Variants in SORL1 observed in about 807,000 individuals in gnomAD.
SORL1 encodes the protein sortilin related receptor 1.
Under a neutral mutation model 273.7 loss-of-function variants are expected in SORL1, and 127 were observed. That is an observed-to-expected ratio of 0.46 (90% CI 0.40 to 0.54). SORL1 has a LOEUF of 0.54. SORL1 is among the 20% of genes least tolerant of loss of function. The pLI is 0.00. For missense variants in SORL1, 2,494 were observed against 2,846.1 expected (o/e 0.88, Z 2.81); for synonymous variants, 1,031 against 1,067.4 (o/e 0.97, Z 0.66).
chr11:121,546,482 G>C (rs565437361), intron 14 of SORL1, among the ~76,000 whole-genome samples: 1 of 152,280 alleles, frequency 6.6e-6, no homozygotes, highest in South Asian at 2.1e-4. Context: ...GGAGCACCAA[G>C]AGAGCCATGG....
At chr11:121,624,572 G>T (rs1170553043) in intron 45 of SORL1, among the ~76,000 whole-genome samples, 1 of 152,248 alleles carries the variant, frequency 6.6e-6, no homozygotes, top group African/African-American at 2.4e-5. Context: ...AGGAGCTAGA[G>T]AGCAGGGAGA....
chr11:121,513,256 A>C lies in SORL1; in HGVS notation c.1041+152A>C, dbSNP rs1490470909. ...TAGAGAGTGCAGCTATGCTTTGGGCATCGTGGTCTGTGGTTCCCACTTCAC... is the reference window on the plus strand; with the variant it reads ...TAGAGAGTGCAGCTATGCTTTGGGCCTCGTGGTCTGTGGTTCCCACTTCAC... On this transcript the variant is annotated intron_variant, in intron 7 of 47. Coordinates refer to ENST00000260197, the MANE Select transcript of SORL1 (RefSeq NM_003105.6). 1.2e-5 allele frequency: 8 copies of C among 658,736 alleles called. No individual in the cohort carries two copies. The East Asian group carries it at 2.1e-4, about 17-fold the overall frequency. 40.8% of individuals were successfully genotyped at this position (658,736 alleles called of 1,614,324 possible).
intron 6 of SORL1, among the ~76,000 whole-genome samples, chr11:121,503,051 G>A (rs1861735440): frequency 6.6e-6 from 1 of 151,788 alleles, no homozygotes; most frequent in African/African-American, 2.4e-5. Context: ...TTTATTTTTT[G>A]TAGAGACGGG....
Position 121,595,914 on chromosome 11 carries a change from C to T in SORL1, c.4519+142C>T, listed in dbSNP as rs1863289373. 3.4e-6 allele frequency: 3 copies of T among 888,990 alleles called. No individual in the cohort carries two copies. The highest frequency in any genetic ancestry group is 4.9e-6 in the Non-Finnish European group (3 of 609,758). 55.1% of individuals were successfully genotyped at this position (888,990 alleles called of 1,614,324 possible). On this transcript the variant is annotated intron_variant, in intron 32 of 47. Coordinates refer to ENST00000260197, the MANE Select transcript of SORL1 (RefSeq NM_003105.6). This position sits in a 1 kb window ranked among gnomAD's most constrained non-coding sequence, Gnocchi z 5.1. ...GTAACCATGCTCTTACTGCATTCTC[C>T]ACAAGCGCTTTGCCACGTGCACCCA...
At chr11:121,555,417 T>G (rs1378799844) in intron 18 of SORL1, 99 bp downstream of exon 18, 9 of 1,458,120 alleles carry the variant, frequency 6.2e-6, no homozygotes, top group Non-Finnish European at 8.4e-6. Context: ...TGTGTCAGAT[T>G]ACTCAGGAAA....
intron 5 of SORL1, 146 bp downstream of exon 5, chr11:121,490,256 C>A: frequency 1.6e-6 from 1 of 642,862 alleles, no homozygotes; most frequent in Non-Finnish European, 2.8e-6. Context: ...ATTAGAGCTG[C>A]AAGTACAATG....
At chr11:121,547,325 C>A (rs1591321293) in intron 14 of SORL1, among the ~76,000 whole-genome samples, 1 of 106,896 alleles carries the variant, frequency 9.4e-6, no homozygotes. Flanking sequence ...TCTAACAAAT[C>A]TTTGGGGTTT....
At chr11:121,551,715 C>T (rs559636365) in intron 16 of SORL1, among the ~76,000 whole-genome samples, 22 of 152,284 alleles carry the variant, frequency 1.4e-4, no homozygotes, top group African/African-American at 4.8e-4. Context: ...GCAGGGCAGC[C>T]CTCTCTTTTG....
At chr11:121,524,410 G>A (rs572623988) in intron 11 of SORL1, among the ~76,000 whole-genome samples, 46 of 152,318 alleles carry the variant, frequency 3.0e-4, no homozygotes, top group Admixed American at 9.8e-4. Context: ...CCCTCCACAC[G>A]TGCCTTGTCC....
chr11:121,462,432 C>T (rs1861015061), intron 1 of SORL1, among the ~76,000 whole-genome samples: 1 of 152,116 alleles, frequency 6.6e-6, no homozygotes, highest in Non-Finnish European at 1.5e-5. Flanking sequence ...TAGGTCAGGT[C>T]TTCAGTGAAG....
rs745831247 is a variant in SORL1, at chr11:121,513,050, C to T, written c.987C>T (p.Ser329=). The change falls in exon 7 of 48, where the codon TCC becomes TCT. Residue 329 remains serine, a synonymous_variant. Coordinates refer to ENST00000260197, the MANE Select transcript of SORL1 (RefSeq NM_003105.6). ...AGTCTTCTGTCCAGCTCTGGGTCTC[C>T]TTTGGCCGGAAGCCCATGAGAGCAG... The part of the protein sequence containing the change: ...EQQSSVQLWV[S]FGRKPMRAAQ... The T allele has an allele frequency of 6.2e-7, 1 of 1,614,166 alleles. No homozygotes were observed. Among genetic ancestry groups the T allele is most frequent in the South Asian group, 1.1e-5 (1 of 91,088 alleles).
intron 28 of SORL1, 108 bp from the exon 29 acceptor site, chr11:121,589,151 C>A: frequency 8.0e-7 from 1 of 1,246,510 alleles, no homozygotes; most frequent in Non-Finnish European, 1.2e-6. Flanking sequence ...GCCAGACAGT[C>A]CTTTGCCAGA....
chr11:121,532,183 C>T (rs1314472701), intron 11 of SORL1, among the ~76,000 whole-genome samples: 1 of 152,168 alleles, frequency 6.6e-6, no homozygotes, highest in Non-Finnish European at 1.5e-5. Flanking sequence ...TTGAGTCCTA[C>T]CTCTGCTGTT....
At chr11:121,545,469 T>C in intron 14 of SORL1, 40 bp downstream of exon 14, 1 of 1,593,056 alleles carries the variant, frequency 6.3e-7, no homozygotes, top group Non-Finnish European at 8.6e-7. Flanking sequence ...AGTTGTGTTT[T>C]ATTCACTCAG....
chr11:121,598,324 G>GT (rs975529865), intron 32 of SORL1, among the ~76,000 whole-genome samples: 6 of 152,132 alleles, frequency 3.9e-5, no homozygotes, highest in Non-Finnish European at 5.9e-5. Context: ...CATCCAGTGA[G>GT]TTTTTTTGGC....
At chr11:121,486,891 G>A (rs890828517) in intron 3 of SORL1, among the ~76,000 whole-genome samples, 2 of 152,150 alleles carry the variant, frequency 1.3e-5, no homozygotes, top group African/African-American at 2.4e-5. Flanking sequence ...AGCCCGGGGA[G>A]GTCAAGGCTG....
At chr11:121,477,846 G>A (rs903203379) in intron 2 of SORL1, among the ~76,000 whole-genome samples, 7 of 152,000 alleles carry the variant, frequency 4.6e-5, no homozygotes, top group African/African-American at 1.7e-4. Flanking sequence ...TGGCCAACAT[G>A]GTGAAACCCT....
chr11:121,529,375 C>G (rs573857233), intron 11 of SORL1, among the ~76,000 whole-genome samples: 1 of 151,964 alleles, frequency 6.6e-6, no homozygotes, highest in Non-Finnish European at 1.5e-5. Context: ...CACCACCACA[C>G]CCGGCTAATT....
intron 1 of SORL1, among the ~76,000 whole-genome samples, chr11:121,466,956 A>G (rs1184110378): frequency 6.6e-6 from 1 of 152,096 alleles, no homozygotes; most frequent in African/African-American, 2.4e-5. Flanking sequence ...CCTTAAAAAA[A>G]AGAAGAGAAA....
Sources: gnomAD v4.1 joint callset for allele counts (sites outside exome capture counted in the v4.1 genomes callset) on GRCh38, gnomAD v4.1.1 for gene constraint, Gnocchi (gnomAD v3.1) non-coding constraint, MANE v1.5 for transcripts, NCBI Gene and HGNC (gene_info 2026-07-23, HGNC 2026-07-21) for gene names.